Variants in DLC1 observed in about 807,000 individuals in gnomAD.
DLC1 encodes DLC1 Rho GTPase activating protein.
Under a neutral mutation model 140.3 loss-of-function variants are expected in DLC1, and 54 were observed. The ratio of observed to expected loss-of-function variants is 0.38; its 90% CI spans 0.31 to 0.48. The LOEUF (loss-of-function observed/expected upper bound fraction) is 0.48. Ranked by LOEUF, DLC1 falls within the 20% of genes least tolerant of loss-of-function variation. The probability of loss-of-function intolerance (pLI) is 0.96; values close to 1 mark genes in which losing one functional copy is unlikely to be tolerated. For synonymous variants in DLC1, 986 were observed against 728.1 expected (o/e 1.35, Z -5.70); for missense variants, 2,536 against 1,907.0 (o/e 1.33, Z -6.14).
intron 3 of DLC1, among the ~76,000 whole-genome samples, chr8:13,399,561 A>G (rs1837208182): frequency 6.6e-6 from 1 of 152,116 alleles, no homozygotes; most frequent in Admixed American, 6.5e-5. Context: ...CATTCATCCT[A>G]TGAGATTGGC....
chr8:13,095,287 C>G (rs1482396168), intron 10 of DLC1, 42 bp from the exon 11 acceptor site: 4 of 1,612,142 alleles, frequency 2.5e-6, no homozygotes, highest in Non-Finnish European at 3.4e-6. Flanking sequence ...CGGAGACATG[C>G]TCACTTGTCT....
At chr8:13,592,586 G>A (rs1429997603) in intron 1 of DLC1, among the ~76,000 whole-genome samples, 1 of 151,838 alleles carries the variant, frequency 6.6e-6, no homozygotes, top group African/African-American at 2.4e-5. Flanking sequence ...AACATATTTT[G>A]GTGACTGAGC....
intron 2 of DLC1, among the ~76,000 whole-genome samples, chr8:13,476,071 G>A (rs1325940077): frequency 6.6e-6 from 1 of 152,194 alleles, no homozygotes; most frequent in African/African-American, 2.4e-5. Flanking sequence ...GAAAGAAACT[G>A]CAGGGGTTAA....
rs551983187 is a variant in DLC1, at chr8:13,502,215, T to G, written c.-125-2019A>C. Among the ~76,000 whole-genome samples the G allele has an allele frequency of 2.6e-5, 4 of 152,322 alleles. No individual in the cohort carries two copies. In the South Asian group the frequency reaches 6.2e-4, roughly 24 times the overall value. On this transcript the variant is annotated intron_variant, in intron 1 of 17. Transcript: ENST00000276297. ...GTATTTCTGTCAAATCAAAGGAAGA[T>G]AGTTCAACAAGTTCTGAGACAATCT...
At chr8:13,518,076 A>G (rs533479438), upstream of DLC1, among the ~76,000 whole-genome samples, 2 of 151,190 alleles carry the variant, frequency 1.3e-5, no homozygotes, top group African/African-American at 4.9e-5. Flanking sequence ...GGTGGATTAA[A>G]TGGTATTTTA....
At chr8:13,134,942 G>A (rs1822438091) in intron 5 of DLC1, among the ~76,000 whole-genome samples, 1 of 152,266 alleles carries the variant, frequency 6.6e-6, no homozygotes, top group East Asian at 1.9e-4. Context: ...GGGTGCAAAG[G>A]CTACAGCCTG....
chr8:13,374,872 G>A (rs2117132354), intron 4 of DLC1, among the ~76,000 whole-genome samples: 1 of 152,188 alleles, frequency 6.6e-6, no homozygotes, highest in East Asian at 1.9e-4. Context: ...CTATTTTGTT[G>A]AGCAGTGGTT....
chr8:13,535,704 T>G (rs1803255433), intron 1 of DLC1, among the ~76,000 whole-genome samples: 1 of 139,630 alleles, frequency 7.2e-6, no homozygotes, highest in Non-Finnish European at 1.5e-5. Context: ...ACAACAACCC[T>G]CCTCCAAATT....
intron 5 of DLC1, among the ~76,000 whole-genome samples, chr8:13,206,115 C>T (rs1319159876): frequency 1.3e-5 from 2 of 152,152 alleles, no homozygotes; most frequent in East Asian, 1.9e-4. Context: ...TGTGATTTCT[C>T]CTGTGATGTT....
At chr8:13,495,836 C>T (rs1385595344) in intron 2 of DLC1, among the ~76,000 whole-genome samples, 2 of 152,170 alleles carry the variant, frequency 1.3e-5, no homozygotes, top group African/African-American at 4.8e-5. Flanking sequence ...TATTTCAATA[C>T]ATTTTGAAGA....
intron 5 of DLC1, among the ~76,000 whole-genome samples, chr8:13,181,049 T>C (rs935283629): frequency 2.0e-5 from 3 of 152,140 alleles, no homozygotes; most frequent in African/African-American, 7.2e-5. Flanking sequence ...CAAATATATA[T>C]GTATCTACCA....
intron 5 of DLC1, chr8:13,304,892 C>A: frequency 1.0e-6 from 1 of 993,154 alleles, no homozygotes; most frequent in African/African-American, 1.7e-5. Context: ...TCAATTACAT[C>A]TTTTTCTGTG....
intron 4 of DLC1, among the ~76,000 whole-genome samples, chr8:13,347,392 C>G (rs1444505478): frequency 2.0e-5 from 3 of 152,168 alleles, no homozygotes; most frequent in African/African-American, 7.2e-5. Context: ...ATCGCTAGAG[C>G]TCAAGGATGT....
chr8:13,255,799 G>A (rs574050502), intron 5 of DLC1, among the ~76,000 whole-genome samples: 5 of 152,232 alleles, frequency 3.3e-5, no homozygotes, highest in East Asian at 1.9e-4. Flanking sequence ...ATCCACGCTC[G>A]TCTTTGCAGC....
At chr8:13,418,594 A>G (rs1421786060) in intron 2 of DLC1, among the ~76,000 whole-genome samples, 2 of 152,276 alleles carry the variant, frequency 1.3e-5, no homozygotes, top group East Asian at 1.9e-4. Flanking sequence ...TGGTACCAGT[A>G]CCATGCTGTT....
chr8:13,111,107 A>G (rs1820072679), intron 6 of DLC1, among the ~76,000 whole-genome samples: 1 of 152,220 alleles, frequency 6.6e-6, no homozygotes, highest in African/African-American at 2.4e-5. Flanking sequence ...ACAAATCAGC[A>G]GGCAATGAGT....
At chr8:13,371,019 G>A (rs1835702450) in intron 4 of DLC1, among the ~76,000 whole-genome samples, 1 of 152,132 alleles carries the variant, frequency 6.6e-6, no homozygotes, top group African/African-American at 2.4e-5. Flanking sequence ...TACGAACTAA[G>A]TATTATTGGG....
At chr8:13,217,269 G>T (rs567174068) in intron 5 of DLC1, among the ~76,000 whole-genome samples, 195 of 152,190 alleles carry the variant, frequency 1.3e-3, no homozygotes, top group Middle Eastern at 6.8e-3. Context: ...AGAGTAAAAA[G>T]AACCAAATCA....
intron 2 of DLC1, among the ~76,000 whole-genome samples, chr8:13,429,348 A>T (rs1838753974): frequency 6.6e-6 from 1 of 152,232 alleles, no homozygotes; most frequent in African/African-American, 2.4e-5. Flanking sequence ...ATAGAAGGAT[A>T]AACTGTTGAG....
Sources: gnomAD v4.1 joint callset for allele counts (sites outside exome capture counted in the v4.1 genomes callset) on GRCh38, gnomAD v4.1.1 for gene constraint, MANE v1.5 for transcripts, NCBI Gene and HGNC (gene_info 2026-07-23, HGNC 2026-07-21) for gene names.